Variants in FBN1 observed in about 807,000 individuals in gnomAD.
The protein encoded by FBN1 is fibrillin 1.
A neutral mutation model predicts 365.1 loss-of-function variants in FBN1; 29 were observed. The observed-to-expected ratio is 0.08, with a 90% CI of 0.06 to 0.11. FBN1 has a LOEUF of 0.11. Ranked by LOEUF, FBN1 falls within the 10% of genes least tolerant of loss-of-function variation. The probability of loss-of-function intolerance (pLI) is 1.00; values close to 1 mark genes in which losing one functional copy is unlikely to be tolerated. For missense variants in FBN1, 2,476 were observed against 3,703.2 expected (o/e 0.67, Z 8.60); for synonymous variants, 1,210 against 1,270.5 (o/e 0.95, Z 1.01).
At chr15:48,631,795 A>G (rs946784584) in intron 2 of FBN1, among the ~76,000 whole-genome samples, 2 of 152,350 alleles carry the variant, frequency 1.3e-5, no homozygotes, top group Non-Finnish European at 1.5e-5. Flanking sequence ...ACTCCAACAG[A>G]GGCAATTAAA....
At chr15:48,581,907 G>A (rs954619121) in intron 6 of FBN1, among the ~76,000 whole-genome samples, 12 of 152,164 alleles carry the variant, frequency 7.9e-5, no homozygotes, top group South Asian at 2.1e-4. Flanking sequence ...TTAGAATTCC[G>A]AGTCACAGAG....
At chr15:48,534,228 G>C (rs1281274979) in intron 7 of FBN1, 23 bp from the exon 8 acceptor site, 2 of 1,547,984 alleles carry the variant, frequency 1.3e-6, no homozygotes, top group South Asian at 1.2e-5. Context: ...AGAAGACAGA[G>C]AGAAAAAAAA....
intron 45 of FBN1, 60 bp downstream of exon 45, chr15:48,452,502 T>G: frequency 6.3e-7 from 1 of 1,597,920 alleles, no homozygotes; most frequent in Non-Finnish European, 8.6e-7. Context: ...TCCAGATATC[T>G]GAAGCTTCAT....
rs2043211709 is a variant in FBN1, at chr15:48,452,807, A to G, written c.5423-123T>C. The G allele has an allele frequency of 1.4e-5, 15 of 1,104,340 alleles. No homozygotes were observed. In the South Asian group the frequency reaches 2.0e-4, roughly 15 times the overall value. 68.4% of individuals were successfully genotyped at this position (1,104,340 alleles called of 1,614,324 possible). A position where few individuals can be genotyped will look rare whatever the true frequency, so the allele number is the denominator to read the frequency against. ...CTGTTCTATTGAAAAGACAACATAG[A>G]TGTGTACAGCAGCTTTATTTATTGC... On this transcript the variant is annotated intron_variant, in intron 44 of 65. Transcript: ENST00000316623.
intron 6 of FBN1, among the ~76,000 whole-genome samples, chr15:48,567,784 C>T (rs1326747945): frequency 1.3e-5 from 2 of 151,886 alleles, no homozygotes; most frequent in African/African-American, 4.8e-5. Flanking sequence ...AAACTCTCAA[C>T]AAAACATAAA....
intron 6 of FBN1, among the ~76,000 whole-genome samples, chr15:48,554,164 A>C (rs2044163108): frequency 6.6e-6 from 1 of 152,230 alleles, no homozygotes; most frequent in Admixed American, 6.5e-5. Context: ...GTAAATCAAA[A>C]CACAGAGCGG....
chr15:48,450,733 C>T (rs987747936), intron 45 of FBN1, among the ~76,000 whole-genome samples: 12 of 152,090 alleles, frequency 7.9e-5, no homozygotes, highest in African/African-American at 2.9e-4. Flanking sequence ...AATGTGGGTG[C>T]TATGGCCAGG....
intron 9 of FBN1, among the ~76,000 whole-genome samples, chr15:48,523,607 G>GA (rs1024544405): frequency 2.7e-5 from 4 of 147,690 alleles, no homozygotes; most frequent in African/African-American, 1.0e-4. Context: ...AGTAAAGGAA[G>GA]AAAAAACTGA....
At chr15:48,621,012 C>T (rs1889755782) in intron 2 of FBN1, among the ~76,000 whole-genome samples, 1 of 152,060 alleles carries the variant, frequency 6.6e-6, no homozygotes, top group Admixed American at 6.6e-5. Flanking sequence ...TGTAAATGGC[C>T]AAAGCTAGAA....
At chr15:48,442,962 G>A (rs1046848902) in intron 49 of FBN1, among the ~76,000 whole-genome samples, 2 of 152,152 alleles carry the variant, frequency 1.3e-5, no homozygotes, top group South Asian at 2.1e-4. Flanking sequence ...ACACCAAAAT[G>A]TACTTGCATT....
chr15:48,515,492 A>G lies in FBN1; in HGVS notation c.1363T>C (p.Leu455=), dbSNP rs557954342. The G allele has an allele frequency of 1.1e-5, 18 of 1,614,042 alleles. No homozygotes were observed. In the African/African-American group the frequency reaches 1.9e-4, roughly 17 times the overall value. The part of the protein sequence containing the change: ...LPVNVTDYCQ[L]VRYLCQNGRC... ...CCATTTTGACAGAGATAGCGGACCA[A>G]CTGGCAGTAATCAGTAACGTTTACT... Residue 455 remains leucine (L), a synonymous_variant, in exon 12 of 66, where the codon TTG becomes CTG. Transcript: ENST00000316623.
In FBN1 at chr15:48,487,345, G is replaced by A; in HGVS notation, c.3430C>T (p.His1144Tyr). 1 of 1,614,222 alleles carries A rather than the reference G, an allele frequency of 6.2e-7. No individual in the cohort carries two copies. The highest frequency in any genetic ancestry group is 8.5e-7 in the Non-Finnish European group (1 of 1,180,044). The change falls in exon 28 of 66, where the codon CAT (histidine) becomes TAT (tyrosine). Residue 1144 changes from histidine (H) to tyrosine (Y), a missense_variant. His to Tyr is a moderately conservative substitution (Grantham distance 83). Transcript: ENST00000316623. ...GSYRCECPPG[H>Y]QLSPNISACI... The stretch of plus-strand genomic sequence containing the variant: ...GCGGAGATGTTGGGGGACAGCTGAT[G>A]GCCAGGCGGGCATTCACAGCGGTAA...
intron 6 of FBN1, among the ~76,000 whole-genome samples, chr15:48,558,176 G>A (rs2044196567): frequency 6.6e-6 from 1 of 152,128 alleles, no homozygotes; most frequent in African/African-American, 2.4e-5. Flanking sequence ...CACATTTCAT[G>A]TATTTCTCTG....
At chr15:48,572,523 TA>T (rs543563373) in intron 6 of FBN1, among the ~76,000 whole-genome samples, 45 of 143,392 alleles carry the variant, frequency 3.1e-4, no homozygotes, top group South Asian at 2.0e-3. Context: ...ATTAGTTTGT[TA>T]AAAAAAAAAA....
Position 48,410,162 on chromosome 15 carries a change from A to C in FBN1, c.*828T>G, listed in dbSNP as rs1422693633. ...GAATGACCGAGGGTAATCTTGGCAT[A>C]TTGCACATGCTGTGATGAAGGATGC... On this transcript the variant is annotated 3_prime_UTR_variant, in exon 66 of 66. Coordinates refer to ENST00000316623, the MANE Select transcript of FBN1 (RefSeq NM_000138.5). 2 of 152,754 alleles carry C rather than the reference A, an allele frequency of 1.3e-5. No individual in the cohort carries two copies. Among genetic ancestry groups the C allele is most frequent in the African/African-American group, 2.4e-5 (1 of 41,566 alleles). The allele number at this position is 152,754 out of a possible 1,614,324, so 9.5% of individuals were successfully genotyped here. A position where few individuals can be genotyped will look rare whatever the true frequency, so the allele number is the denominator to read the frequency against.
At position 48,460,842 on chromosome 15, in the gene FBN1, G is replaced by T. The variant is rs180793422; in HGVS notation, c.5225-525C>A. On this transcript the variant is annotated intron_variant, in intron 42 of 65. Coordinates refer to ENST00000316623, the MANE Select transcript of FBN1 (RefSeq NM_000138.5). The stretch of plus-strand genomic sequence containing the variant: ...TTGGAGCTGGATTTCATTTGGTACA[G>T]CTCTGTCATATTCTCTCCCTCTCCC... Among the ~76,000 whole-genome samples, 22 of 152,208 alleles carry T rather than the reference G, an allele frequency of 1.4e-4. No homozygotes were observed. In the East Asian group the frequency reaches 3.5e-3, roughly 24 times the overall value.
chr15:48,498,281 C>G (rs1175215071), intron 18 of FBN1, among the ~76,000 whole-genome samples: 1 of 152,090 alleles, frequency 6.6e-6, no homozygotes, highest in Non-Finnish European at 1.5e-5. Context: ...CTAAATATCC[C>G]CTCCACATTT....
intron 4 of FBN1, among the ~76,000 whole-genome samples, chr15:48,601,905 C>T (rs768857838): frequency 6.6e-6 from 1 of 152,226 alleles, no homozygotes; most frequent in African/African-American, 2.4e-5. Context: ...TCCACATTCA[C>T]GGTCCCCTCA....
At chr15:48,588,830 T>C (rs762574104) in intron 6 of FBN1, among the ~76,000 whole-genome samples, 6 of 152,152 alleles carry the variant, frequency 3.9e-5, no homozygotes, top group Non-Finnish European at 5.9e-5. Flanking sequence ...CACATTATGA[T>C]GCCAAGTCAT....
Sources: allele counts gnomAD v4.1 joint callset (sites outside exome capture counted in the v4.1 genomes callset), GRCh38; gene constraint gnomAD v4.1.1; transcripts MANE v1.5; gene names NCBI Gene and HGNC (gene_info 2026-07-23, HGNC 2026-07-21).